METTL16: variants seen among roughly 807,000 people sequenced by gnomAD.
The protein encoded by METTL16 is methyltransferase 16, RNA N6-adenosine.
Under a neutral mutation model 57.9 loss-of-function variants are expected in METTL16, and 19 were observed. That is an observed-to-expected ratio of 0.33 (90% confidence interval 0.23 to 0.48). The LOEUF is 0.48. Among genes scored for constraint, METTL16 ranks in the 20% least tolerant of loss-of-function variants. The pLI, the probability that METTL16 is intolerant of heterozygous loss-of-function variation, is 0.99. For missense variants in METTL16, 434 were observed against 691.5 expected, an observed-to-expected ratio of 0.63 and a Z score of 4.18; for synonymous variants, 246 against 255.6, an observed-to-expected ratio of 0.96 and a Z score of 0.36.
At chr17:2,479,818 A>G (rs930051135) in intron 2 of METTL16, among the ~76,000 whole-genome samples, 4 of 152,078 alleles carry the variant, frequency 2.6e-5, no homozygotes, top group African/African-American at 9.7e-5. Flanking sequence ...TCTGGACTCC[A>G]CTTTTGGCTC....
At chr17:2,494,869 G>A (rs772071128) in intron 2 of METTL16, among the ~76,000 whole-genome samples, 5 of 151,682 alleles carry the variant, frequency 3.3e-5, no homozygotes, top group Non-Finnish European at 7.4e-5. Context: ...ATGGTGGCGT[G>A]CACCTGTAGT....
intron 2 of METTL16, among the ~76,000 whole-genome samples, chr17:2,491,689 C>T (rs1411729248): frequency 6.6e-6 from 1 of 151,154 alleles, no homozygotes; most frequent in Non-Finnish European, 1.5e-5. Flanking sequence ...TCCTGGCTAA[C>T]ACGGTGAAAC....
intron 2 of METTL16, among the ~76,000 whole-genome samples, chr17:2,495,364 G>C (rs367764846): frequency 6.6e-6 from 1 of 152,000 alleles, no homozygotes; most frequent in Non-Finnish European, 1.5e-5. Flanking sequence ...ATTTGGGATT[G>C]ATGAGAGGAG....
chr17:2,439,300 T>C (rs775732320), intron 7 of METTL16, among the ~76,000 whole-genome samples: 2 of 151,804 alleles, frequency 1.3e-5, no homozygotes, highest in African/African-American at 4.8e-5. Flanking sequence ...TTTGTTGAGA[T>C]GAGATTTCGC....
In METTL16 at chr17:2,474,907, GTCTCTC is replaced by G. The variant is rs3029948; in HGVS notation, c.329-1249_329-1244del. ...TGCACTCCAGCCTAGGTGACATCAA[GTCTCTC>G]TCTCTCTCTCTCTCTCTTACAATAT... On this transcript the variant is annotated intron_variant, in intron 3 of 9. Coordinates refer to ENST00000263092, the MANE Select transcript of METTL16 (RefSeq NM_024086.4). Among the ~76,000 whole-genome samples, 21 of 149,480 alleles carry G rather than the reference GTCTCTC, an allele frequency of 1.4e-4. 1 individual carries two copies. Among genetic ancestry groups the G allele is most frequent in the African/African-American group, 2.2e-4 (9 of 40,720 alleles).
intron 8 of METTL16, among the ~76,000 whole-genome samples, chr17:2,434,085 A>G (rs1038734109): frequency 2.6e-5 from 4 of 152,248 alleles, no homozygotes; most frequent in African/African-American, 9.6e-5. Context: ...TTAAGAAGAA[A>G]AGTAACTAAG....
intron 5 of METTL16, among the ~76,000 whole-genome samples, chr17:2,467,067 A>C (rs1220773151): frequency 4.6e-5 from 7 of 151,978 alleles, no homozygotes; most frequent in Non-Finnish European, 1.0e-4. Context: ...AGCCTCCCAA[A>C]GTACTGGGAT....
intron 2 of METTL16, among the ~76,000 whole-genome samples, chr17:2,491,146 G>A (rs1457465857): frequency 6.6e-6 from 1 of 152,146 alleles, no homozygotes; most frequent in African/African-American, 2.4e-5. Context: ...AACACAGACA[G>A]GCAAGATCTT....
At chr17:2,453,465 T>G (rs114200576) in intron 6 of METTL16, among the ~76,000 whole-genome samples, 32 of 152,300 alleles carry the variant, frequency 2.1e-4, no homozygotes, top group African/African-American at 7.7e-4. Flanking sequence ...GTCATTGGAT[T>G]CAGATGACAC....
chr17:2,424,820 C>T (rs556268915), intron 8 of METTL16, among the ~76,000 whole-genome samples: 133 of 152,250 alleles, frequency 8.7e-4, no homozygotes, highest in African/African-American at 2.8e-3. Context: ...TGGCGGCACA[C>T]GCCTGTAGTC....
At chr17:2,424,585 C>T (rs1478682705) in intron 8 of METTL16, among the ~76,000 whole-genome samples, 1 of 152,130 alleles carries the variant, frequency 6.6e-6, no homozygotes, top group African/African-American at 2.4e-5. Flanking sequence ...TGCTCTAGCA[C>T]ACACATGCAC....
intron 6 of METTL16, among the ~76,000 whole-genome samples, chr17:2,463,607 A>ACG (rs1567894715): frequency 6.6e-6 from 1 of 151,790 alleles, no homozygotes; most frequent in Non-Finnish European, 1.5e-5. Context: ...GACTACAGGC[A>ACG]CCCACCACCA....
intron 2 of METTL16, among the ~76,000 whole-genome samples, chr17:2,479,850 G>C (rs57079935): frequency 2.0e-5 from 3 of 152,078 alleles, no homozygotes; most frequent in Non-Finnish European, 4.4e-5. Flanking sequence ...TGCCATGGAC[G>C]TAAGTCACTT....
intron 2 of METTL16, among the ~76,000 whole-genome samples, chr17:2,489,336 T>G (rs1317314375): frequency 1.3e-5 from 2 of 152,032 alleles, no homozygotes; most frequent in Non-Finnish European, 2.9e-5. Context: ...AACACCTCTT[T>G]GCCCTTTCCA....
chr17:2,494,484 T>C (rs1363694029), intron 2 of METTL16, among the ~76,000 whole-genome samples: 1 of 152,236 alleles, frequency 6.6e-6, no homozygotes, highest in African/African-American at 2.4e-5. Context: ...TATGTCTCTA[T>C]GCCACATGTC....
In METTL16 at chr17:2,419,426, C is replaced by A. The variant is rs569498375; in HGVS notation, c.*544G>T. 6.3e-6 allele frequency: 2 copies of A among 317,178 alleles called. No individual in the cohort carries two copies. Among genetic ancestry groups the A allele is most frequent in the Non-Finnish European group, 1.3e-5 (2 of 158,822 alleles). The allele number at this position is 317,178 out of a possible 1,614,324, so 19.6% of individuals were successfully genotyped here. On this transcript the variant is annotated 3_prime_UTR_variant, in exon 10 of 10. Coordinates refer to ENST00000263092, the MANE Select transcript of METTL16 (RefSeq NM_024086.4). ...GTCCCCAGACTCTGCTGCTCCTTCC[C>A]AGCATTACTAAGGTTTCTCTCCCAG... is the stretch of plus-strand genomic sequence containing the variant.
chr17:2,442,619 A>G (rs2066961479), intron 6 of METTL16, among the ~76,000 whole-genome samples: 2 of 152,156 alleles, frequency 1.3e-5, no homozygotes, highest in African/African-American at 4.8e-5. Flanking sequence ...AAAAAAGAAG[A>G]CAGAACTCTC....
At chr17:2,444,353 C>T (rs57593710) in intron 6 of METTL16, among the ~76,000 whole-genome samples, 6 of 152,088 alleles carry the variant, frequency 3.9e-5, no homozygotes, top group Admixed American at 1.3e-4. Flanking sequence ...AGGAGGCTGA[C>T]GCAGGAAAAT....
chr17:2,426,466 C>G (rs764347233), intron 8 of METTL16, among the ~76,000 whole-genome samples: 3 of 152,100 alleles, frequency 2.0e-5, no homozygotes, highest in Non-Finnish European at 4.4e-5. Context: ...TGCCATGGCT[C>G]ACGCCTGTAA....
Sources: gnomAD v4.1 joint callset for allele counts (sites outside exome capture counted in the v4.1 genomes callset) on GRCh38, gnomAD v4.1.1 for gene constraint, MANE v1.5 for transcripts, NCBI Gene and HGNC (gene_info 2026-07-23, HGNC 2026-07-21) for gene names.